TPM1: variants seen among roughly 807,000 people sequenced by gnomAD.
TPM1 encodes the protein tropomyosin alpha-1 chain.
A neutral mutation model predicts 42.9 loss-of-function variants in TPM1; 24 were observed. The ratio of observed to expected loss-of-function variants is 0.56; its 90% CI spans 0.41 to 0.79. The LOEUF (loss-of-function observed/expected upper bound fraction) is 0.79. TPM1 is among the 30% of genes least tolerant of loss of function. The pLI is 0.00. For synonymous variants in TPM1, 136 were observed against 130.1 expected, an observed-to-expected ratio of 1.05 and a Z score of -0.31; for missense variants, 158 against 351.8, an observed-to-expected ratio of 0.45 and a Z score of 4.41.
At chr15:63,060,430 G>A (rs1362232480) in intron 4 of TPM1, among the ~76,000 whole-genome samples, 2 of 152,100 alleles carry the variant, frequency 1.3e-5, no homozygotes, top group Non-Finnish European at 2.9e-5. Flanking sequence ...AGTGTCTCTT[G>A]TATTCTTCCA....
downstream of TPM1, chr15:63,070,060 CA>C (rs2036520910): frequency 6.4e-7 from 1 of 1,559,700 alleles, no homozygotes; most frequent in Non-Finnish European, 8.7e-7. Flanking sequence ...TGCAGAAATG[CA>C]AATGCAAGGA....
chr15:63,048,436 G>C lies in TPM1; in HGVS notation c.240+4284G>C, dbSNP rs1054450144. 3.7e-6 allele frequency: 5 copies of C among 1,350,170 alleles called. No individual in the cohort carries two copies. The African/African-American group carries it at 6.2e-5, about 17-fold the overall frequency. 83.6% of individuals were successfully genotyped at this position (1,350,170 alleles called of 1,614,324 possible). On this transcript the variant is annotated intron_variant, in intron 2 of 9. Coordinates refer to ENST00000403994, the MANE Select transcript of TPM1 (RefSeq NM_001018005.2). ...GACTTCCGGACTGCTCCTGGCCGCAGGGGGCGCCGCCATCGCACAGAGAGG... is the reference window on the plus strand; with the variant it reads ...GACTTCCGGACTGCTCCTGGCCGCACGGGGCGCCGCCATCGCACAGAGAGG...
chr15:63,063,769 C>T lies in TPM1; in HGVS notation c.773-295C>T, dbSNP rs866735216. 5 of 341,558 alleles carry T rather than the reference C, an allele frequency of 1.5e-5. No individual in the cohort carries two copies. In the East Asian group the frequency reaches 2.2e-4, roughly 15 times the overall value. 21.2% of individuals were successfully genotyped at this position (341,558 alleles called of 1,614,324 possible). On this transcript the variant is annotated intron_variant, in intron 8 of 9. Coordinates refer to ENST00000403994, the MANE Select transcript of TPM1 (RefSeq NM_001018005.2). ...ACCAGGAGACAGCCTTCTGTGGTTT[C>T]GTTTACAATTTAACATGGTTTACTG...
rs929494574 is a variant in TPM1, at chr15:63,042,771, G to A, written c.-59G>A. 11 of 1,477,500 alleles carry A rather than the reference G, an allele frequency of 7.4e-6. No homozygotes were observed. The highest frequency in any genetic ancestry group is 9.4e-6 in the Non-Finnish European group (10 of 1,066,342). 91.5% of individuals were successfully genotyped at this position (1,477,500 alleles called of 1,614,324 possible). ...CGCTCGCACTCCCGCTCCTCCGCCC[G>A]ACCGCGCGCTCGCCCCGCCGCTCCT... On this transcript the variant is annotated 5_prime_UTR_variant, in exon 1 of 10. Transcript: ENST00000403994.
chr15:63,048,784 C>T (rs1241033990), intron 2 of TPM1: 2 of 1,458,358 alleles, frequency 1.4e-6, no homozygotes, highest in African/African-American at 1.5e-5. Context: ...CCTCCTGCTT[C>T]CCCCCCCGCA....
At chr15:63,062,080 A>G in intron 6 of TPM1, 135 bp from the exon 7 acceptor site, 1 of 796,932 alleles carries the variant, frequency 1.3e-6, no homozygotes, top group South Asian at 1.4e-5. Flanking sequence ...GCAGTGTGCC[A>G]TTTGATATCA....
intron 3 of TPM1, among the ~76,000 whole-genome samples, chr15:63,058,773 T>C (rs1337797523): frequency 2.0e-5 from 3 of 152,194 alleles, no homozygotes; most frequent in East Asian, 3.8e-4. Context: ...ATAAATGAAT[T>C]CCATTTTACA....
At chr15:63,051,056 C>G (rs1356290216) in intron 2 of TPM1, among the ~76,000 whole-genome samples, 1 of 152,052 alleles carries the variant, frequency 6.6e-6, no homozygotes, top group Non-Finnish European at 1.5e-5. Flanking sequence ...TGGAATGAGG[C>G]TACTTTGCTT....
intron 9 of TPM1, chr15:63,064,550 A>G (rs2036055378): frequency 1.9e-6 from 2 of 1,053,696 alleles, no homozygotes; most frequent in Non-Finnish European, 2.3e-6. Context: ...ATTTTCGTTA[A>G]ATATAATTTG....
At chr15:63,062,539 A>G in intron 7 of TPM1, 37 bp from the exon 8 acceptor site, 1 of 1,612,004 alleles carries the variant, frequency 6.2e-7, no homozygotes, top group Non-Finnish European at 8.5e-7. Flanking sequence ...CAGGAAACAT[A>G]AAACTTCCCA....
In TPM1 at chr15:63,064,135, A is replaced by T; in HGVS notation, c.844A>T (p.Thr282Ser). ...EELDHALNDM[T>S]SI Reference sequence around the variant, plus strand: ...GCTGGACCACGCTCTCAACGATATGACTTCCATGTAAACGTTCATCCACTC... The same window carrying T: ...GCTGGACCACGCTCTCAACGATATGTCTTCCATGTAAACGTTCATCCACTC... Residue 282 changes from threonine to serine, a missense_variant, in exon 9 of 10, where the codon ACT (threonine) becomes TCT (serine). Thr to Ser is a moderately conservative substitution (Grantham distance 58, BLOSUM62 1). Coordinates refer to ENST00000403994, the MANE Select transcript of TPM1 (RefSeq NM_001018005.2). 1 of 1,613,902 alleles carries T rather than the reference A, an allele frequency of 6.2e-7. No homozygotes were observed. Among genetic ancestry groups the T allele is most frequent in the Non-Finnish European group, 8.5e-7 (1 of 1,179,942 alleles).
At chr15:63,047,839 C>G (rs1312479706) in intron 2 of TPM1, 1 of 195,626 alleles carries the variant, frequency 5.1e-6, no homozygotes, top group African/African-American at 2.4e-5. Context: ...ATTATTCCCA[C>G]TTTTACAGAT....
At chr15:63,048,823 A>AG (rs776640250) in intron 2 of TPM1, 2 of 1,405,722 alleles carry the variant, frequency 1.4e-6, no homozygotes, top group Non-Finnish European at 1.9e-6. Flanking sequence ...CCACGCCTCC[A>AG]GGGCGCACCT....
intron 9 of TPM1, chr15:63,064,530 C>G: frequency 9.4e-7 from 1 of 1,067,134 alleles, no homozygotes; most frequent in African/African-American, 1.7e-5. Flanking sequence ...CAACTAAGTA[C>G]AACATAATCA....
At position 63,065,936 on chromosome 15, in the gene TPM1, G is replaced by A. The variant is rs201563826; in HGVS notation, c.*37G>A. ...TCACTTCTCCCAAGACTCCCTCGTC[G>A]AGCTGGATGTCCCACCTCTCTGAGC... On this transcript the variant is annotated 3_prime_UTR_variant, in exon 10 of 10. Coordinates refer to ENST00000403994, the MANE Select transcript of TPM1 (RefSeq NM_001018005.2). The A allele has an allele frequency of 2.0e-4, 328 of 1,606,418 alleles. No individual in the cohort carries two copies. Among genetic ancestry groups the A allele is most frequent in the Non-Finnish European group, 2.7e-4 (312 of 1,177,288 alleles).
Position 63,042,942 on chromosome 15 carries a change from AG to A in TPM1, c.114+1del. The A allele has an allele frequency of 6.3e-7, 1 of 1,595,038 alleles. No homozygotes were observed. Among genetic ancestry groups the A allele is most frequent in the Non-Finnish European group, 8.5e-7 (1 of 1,170,806 alleles). On this transcript the variant is annotated frameshift_variant and splice_region_variant, in exon 1 of 10. Transcript: ENST00000403994. LOFTEE classifies it high-confidence loss of function. ...DKKAAEDRSK[Q>X]LEDELVSLQK... is the part of the protein sequence containing the mutation. The stretch of plus-strand genomic sequence containing the variant: ...AAGGCGGCGGAAGACAGGAGCAAGC[AG>A]GTCTGCGCCTCCCCGGCCCTGCGCC...
chr15:63,048,068 C>A, intron 2 of TPM1: 1 of 358,598 alleles, frequency 2.8e-6, no homozygotes, highest in Non-Finnish European at 5.4e-6. Flanking sequence ...CGGCTCCAGA[C>A]CCGCCGCTCA....
At chr15:63,046,288 C>T (rs1308960496) in intron 2 of TPM1, 1 of 152,066 alleles carries the variant, frequency 6.6e-6, no homozygotes, top group Admixed American at 6.5e-5. Flanking sequence ...CAGTGCATGA[C>T]CATATTGAGA....
rs2141010013 is a variant in TPM1 at position 63,065,730 on chromosome 15, G to C, written c.852-166G>C. On this transcript the variant is annotated intron_variant, in intron 9 of 9. Transcript: ENST00000403994. ...AAGGCGGCCTGTGACGGCCTCAGGTGGGAAGATGGATGTCCTTCCAAGGGT... is the reference window on the plus strand; with the variant it reads ...AAGGCGGCCTGTGACGGCCTCAGGTCGGAAGATGGATGTCCTTCCAAGGGT... 6 of 903,120 alleles carry C rather than the reference G, an allele frequency of 6.6e-6. No homozygotes were observed. The South Asian group carries it at 3.1e-4, about 46-fold the overall frequency. 55.9% of individuals were successfully genotyped at this position (903,120 alleles called of 1,614,324 possible).
Sources: allele counts gnomAD v4.1 joint callset (sites outside exome capture counted in the v4.1 genomes callset), GRCh38; gene constraint gnomAD v4.1.1; transcripts MANE v1.5; gene names NCBI Gene and HGNC (gene_info 2026-07-23, HGNC 2026-07-21).